SERGEF: variants seen among roughly 807,000 people sequenced by gnomAD.
SERGEF encodes the protein secretion-regulating guanine nucleotide exchange factor.
A neutral mutation model predicts 50.0 loss-of-function variants in SERGEF; 51 were observed. The ratio of observed to expected loss-of-function variants is 1.02; its 90% confidence interval spans 0.81 to 1.29. SERGEF has a LOEUF of 1.29. Among genes scored for constraint, SERGEF ranks in the 50% most tolerant of loss-of-function variants. The pLI is 0.00. For missense variants in SERGEF, 521 were observed against 557.0 expected (o/e 0.94, Z 0.65); for synonymous variants, 205 against 212.4 (o/e 0.97, Z 0.30).
intron 9 of SERGEF, among the ~76,000 whole-genome samples, chr11:17,948,978 G>C (rs1183904839): frequency 2.6e-5 from 4 of 152,304 alleles, no homozygotes; most frequent in African/African-American, 9.6e-5. Context: ...ACCACTGGCA[G>C]TGTCCCCACA....
chr11:17,985,392 A>G (rs1853573542), intron 8 of SERGEF, among the ~76,000 whole-genome samples: 1 of 152,172 alleles, frequency 6.6e-6, no homozygotes, highest in South Asian at 2.1e-4. Flanking sequence ...GACTTAATCA[A>G]GGTCAACAAA....
chr11:17,946,977 C>G (rs1006628007), intron 9 of SERGEF, among the ~76,000 whole-genome samples: 1 of 152,198 alleles, frequency 6.6e-6, no homozygotes, highest in African/African-American at 2.4e-5. Context: ...TCATTCCCTG[C>G]CTAACAGGGT....
intron 1 of SERGEF, 74 bp from the exon 2 acceptor site, chr11:18,008,150 T>C: frequency 7.0e-7 from 1 of 1,434,528 alleles, no homozygotes; most frequent in Non-Finnish European, 9.6e-7. Context: ...TGTCTCTGTC[T>C]CTCTCACCCT....
chr11:18,013,013 G>C lies in SERGEF; in HGVS notation c.-3C>G. On this transcript the variant is annotated 5_prime_UTR_variant, in exon 1 of 11. Transcript: ENST00000265965. The surrounding 1 kb of genome is among the most constrained non-coding windows in gnomAD (Gnocchi z 4.3). Reference sequence around the variant, plus strand: ...GAGGCGCTGGGCTCGCGCTCCATGCGAGGACGCTCCGCCGGCGCTTCCGGG... The same window carrying C: ...GAGGCGCTGGGCTCGCGCTCCATGCCAGGACGCTCCGCCGGCGCTTCCGGG... 5 of 1,386,076 alleles carry C rather than the reference G, an allele frequency of 3.6e-6. No homozygotes were observed. Among genetic ancestry groups the C allele is most frequent in the Non-Finnish European group, 4.6e-6 (5 of 1,081,126 alleles). 85.9% of individuals were successfully genotyped at this position (1,386,076 alleles called of 1,614,324 possible).
At position 17,865,171 on chromosome 11, in the gene SERGEF, T is replaced by C. The variant is rs1021791571; in HGVS notation, c.1048+13037A>G. Among the ~76,000 whole-genome samples, 38 of 152,204 alleles carry C rather than the reference T, an allele frequency of 2.5e-4. 2 individuals carry two copies. The highest frequency in any genetic ancestry group is 8.8e-5 in the Non-Finnish European group (6 of 68,038). On this transcript the variant is annotated intron_variant, in intron 10 of 10. Transcript: ENST00000265965. ...AAAAAATTCCTATTGCCTACTGCCA[T>C]AGTAGCTGTGATAATGTTGTAACAC...
intron 10 of SERGEF, among the ~76,000 whole-genome samples, chr11:17,816,510 T>G (rs947283271): frequency 6.6e-6 from 1 of 152,354 alleles, no homozygotes; most frequent in Middle Eastern, 3.4e-3. Context: ...CAGTTTCCAC[T>G]TGGTCACTAT....
intron 10 of SERGEF, among the ~76,000 whole-genome samples, chr11:17,791,885 T>C (rs1331997280): frequency 6.6e-6 from 1 of 152,262 alleles, no homozygotes; most frequent in Non-Finnish European, 1.5e-5. Flanking sequence ...GCTTTGTTGT[T>C]TGAAAGACTT....
intron 9 of SERGEF, among the ~76,000 whole-genome samples, chr11:17,910,946 C>G (rs554500419): frequency 6.6e-6 from 1 of 152,154 alleles, no homozygotes; most frequent in African/African-American, 2.4e-5. Flanking sequence ...AGAACCTAAG[C>G]TGGACCTTAC....
At chr11:18,002,133 G>A in intron 4 of SERGEF, 1 of 406,610 alleles carries the variant, frequency 2.5e-6, no homozygotes, top group Non-Finnish European at 4.8e-6. Flanking sequence ...TGAACATATT[G>A]TCCTTTATAT....
intron 9 of SERGEF, among the ~76,000 whole-genome samples, chr11:17,898,170 G>C (rs575635567): frequency 6.6e-6 from 1 of 152,368 alleles, no homozygotes; most frequent in Non-Finnish European, 1.5e-5. Context: ...ATCTGGCCCT[G>C]TCTTGCCTTC....
chr11:17,825,593 T>C (rs1850179222), intron 10 of SERGEF, among the ~76,000 whole-genome samples: 2 of 152,358 alleles, frequency 1.3e-5, no homozygotes, highest in African/African-American at 2.4e-5. Context: ...CTCTAAATTC[T>C]ATGTGCAGTT....
intron 10 of SERGEF, among the ~76,000 whole-genome samples, chr11:17,876,538 G>A (rs935423284): frequency 3.3e-5 from 5 of 152,174 alleles, no homozygotes; most frequent in South Asian, 2.1e-4. Context: ...CCTGAAAGGC[G>A]GAATGATTAC....
intron 10 of SERGEF, among the ~76,000 whole-genome samples, chr11:17,821,955 G>A (rs776688630): frequency 2.0e-5 from 3 of 152,128 alleles, no homozygotes; most frequent in Non-Finnish European, 2.9e-5. Context: ...CCAAAAAAGG[G>A]GTAAATCTTA....
At chr11:17,864,830 C>T (rs979129264) in intron 10 of SERGEF, among the ~76,000 whole-genome samples, 1 of 152,184 alleles carries the variant, frequency 6.6e-6, no homozygotes, top group African/African-American at 2.4e-5. Context: ...GTGCTAGTCC[C>T]AGCTCTGCTA....
At chr11:17,926,991 T>A (rs1014015783) in intron 9 of SERGEF, 1 of 375,346 alleles carries the variant, frequency 2.7e-6, no homozygotes, top group Non-Finnish European at 5.4e-6. Context: ...CCTGTCACCA[T>A]GTTCTTTGGC....
At chr11:17,890,406 GCAGA>G (rs984488994) in intron 9 of SERGEF, among the ~76,000 whole-genome samples, 6 of 152,192 alleles carry the variant, frequency 3.9e-5, no homozygotes, top group African/African-American at 1.4e-4. Context: ...TATTTTCAAG[GCAGA>G]CAGAGAAACA....
chr11:18,012,896 C>T (rs1192959068), intron 1 of SERGEF, 55 bp downstream of exon 1: 2 of 1,535,154 alleles, frequency 1.3e-6, no homozygotes, highest in Non-Finnish European at 1.7e-6. Flanking sequence ...GCCAGCAGCT[C>T]CCACATCTCG....
At chr11:17,985,494 C>A (rs981998832) in intron 8 of SERGEF, among the ~76,000 whole-genome samples, 1 of 152,200 alleles carries the variant, frequency 6.6e-6, no homozygotes, top group African/African-American at 2.4e-5. Context: ...CTGCAGGTCA[C>A]TGAGCCTGGA....
At chr11:17,808,180 C>T (rs888152927) in intron 10 of SERGEF, among the ~76,000 whole-genome samples, 3 of 152,182 alleles carry the variant, frequency 2.0e-5, no homozygotes, top group Admixed American at 6.5e-5. Flanking sequence ...TGGCTTGGGC[C>T]CCTTGGAATG....
Sources: gnomAD v4.1 joint callset for allele counts (sites outside exome capture counted in the v4.1 genomes callset) on GRCh38, gnomAD v4.1.1 for gene constraint, Gnocchi (gnomAD v3.1) non-coding constraint, MANE v1.5 for transcripts, NCBI Gene and HGNC (gene_info 2026-07-23, HGNC 2026-07-21) for gene names.